ABL1: variants seen among roughly 807,000 people sequenced by gnomAD.
The protein encoded by ABL1 is ABL proto-oncogene 1, non-receptor tyrosine kinase.
Under a neutral mutation model 94.7 loss-of-function variants are expected in ABL1, and 11 were observed. That is an observed-to-expected ratio of 0.12 (90% CI 0.07 to 0.19). The LOEUF is 0.19. Among genes scored for constraint, ABL1 ranks in the 10% least tolerant of loss-of-function variants. The probability of loss-of-function intolerance (pLI) is 1.00; values close to 1 mark genes in which losing one functional copy is unlikely to be tolerated. For synonymous variants in ABL1, 656 were observed against 622.4 expected (o/e 1.05, Z -0.80); for missense variants, 1,082 against 1,489.4 (o/e 0.73, Z 4.50).
intron 1 of ABL1, among the ~76,000 whole-genome samples, chr9:130,843,687 G>A (rs1342797574): frequency 1.3e-5 from 2 of 152,090 alleles, no homozygotes; most frequent in Non-Finnish European, 2.9e-5. Flanking sequence ...GGTTAGAGAA[G>A]GTTTATGGGA....
chr9:130,879,889 T>C (rs556505093), intron 8 of ABL1, among the ~76,000 whole-genome samples, 179 bp from the exon 9 acceptor site: 10 of 152,370 alleles, frequency 6.6e-5, no homozygotes, highest in South Asian at 4.1e-4. Context: ...TAACGTCTTT[T>C]CAAATTCTTA....
At chr9:130,739,401 A>G (rs372012941) in intron 1 of ABL1, among the ~76,000 whole-genome samples, 11 of 151,800 alleles carry the variant, frequency 7.2e-5, no homozygotes, top group African/African-American at 2.7e-4. Flanking sequence ...AGTTTAATTG[A>G]GATATGGTTA....
At chr9:130,830,922 A>AGTG (rs1179575147), upstream of ABL1, among the ~76,000 whole-genome samples, 1 of 152,202 alleles carries the variant, frequency 6.6e-6, no homozygotes, top group Non-Finnish European at 1.5e-5. Flanking sequence ...ACCAGCAGGT[A>AGTG]GTGCTACCCG....
At chr9:130,790,502 G>T (rs910527205) in intron 1 of ABL1, among the ~76,000 whole-genome samples, 4 of 129,170 alleles carry the variant, frequency 3.1e-5, no homozygotes, top group African/African-American at 8.8e-5. Context: ...TATTTATTTA[G>T]AGACAGGGTT....
intron 1 of ABL1, among the ~76,000 whole-genome samples, chr9:130,740,114 C>G (rs1229608342): frequency 2.0e-5 from 3 of 152,212 alleles, no homozygotes; most frequent in African/African-American, 7.2e-5. Flanking sequence ...CCAACTTCCA[C>G]TGAAGTGGGA....
chr9:130,759,087 TG>T (rs1343121968), intron 1 of ABL1, among the ~76,000 whole-genome samples: 1 of 152,134 alleles, frequency 6.6e-6, no homozygotes, highest in Non-Finnish European at 1.5e-5. Context: ...GATCAAGAAA[TG>T]GTTTGTTGTT....
At chr9:130,742,639 G>A (rs963538543) in intron 1 of ABL1, among the ~76,000 whole-genome samples, 9 of 152,174 alleles carry the variant, frequency 5.9e-5, no homozygotes, top group African/African-American at 2.2e-4. Flanking sequence ...ATTCTAAAGT[G>A]CAAATCTAAG....
chr9:130,837,497 A>C (rs1289225100), intron 1 of ABL1, among the ~76,000 whole-genome samples: 2 of 152,086 alleles, frequency 1.3e-5, no homozygotes, highest in African/African-American at 4.8e-5. Context: ...AAAAAATCTA[A>C]AACTCATTCC....
At chr9:130,789,539 C>T (rs1829876530) in intron 1 of ABL1, among the ~76,000 whole-genome samples, 1 of 152,114 alleles carries the variant, frequency 6.6e-6, no homozygotes, top group South Asian at 2.1e-4. Context: ...CACACACACA[C>T]ACACACACCC....
At chr9:130,830,999 GAA>G (rs1830489010), upstream of ABL1, among the ~76,000 whole-genome samples, 1 of 152,226 alleles carries the variant, frequency 6.6e-6, no homozygotes, top group African/African-American at 2.4e-5. Context: ...TGGTATGACA[GAA>G]GTGATGTTTT....
intron 1 of ABL1, among the ~76,000 whole-genome samples, chr9:130,794,792 T>C (rs932157305): frequency 6.6e-6 from 1 of 152,168 alleles, no homozygotes. Flanking sequence ...GGAAAATGAC[T>C]TTAAATAATG....
At chr9:130,840,755 G>A (rs1830658341) in intron 1 of ABL1, among the ~76,000 whole-genome samples, 1 of 152,082 alleles carries the variant, frequency 6.6e-6, no homozygotes, top group Admixed American at 6.5e-5. Flanking sequence ...CTGGGCTCAA[G>A]CAATCCTCCC....
chr9:130,733,575 CTTTTTTTTTT>C (rs35185474), intron 1 of ABL1, among the ~76,000 whole-genome samples: 2 of 103,220 alleles, frequency 1.9e-5, no homozygotes, highest in African/African-American at 4.3e-5. Flanking sequence ...CTGTAAAGCA[CTTTTTTTTTT>C]TTTTTTTTTT....
At chr9:130,717,674 A>G (rs984192270) in intron 1 of ABL1, among the ~76,000 whole-genome samples, 2 of 151,178 alleles carry the variant, frequency 1.3e-5, no homozygotes, top group Non-Finnish European at 1.5e-5. Context: ...AAAAAAAAAA[A>G]TACAGTTCAT....
At position 130,854,050 on chromosome 9, in the gene ABL1, C is replaced by T. The variant is rs774938014; in HGVS notation, c.80-14C>T. 34 of 1,587,414 alleles carry T rather than the reference C, an allele frequency of 2.1e-5. No homozygotes were observed. The highest frequency in any genetic ancestry group is 4.1e-5 in the African/African-American group (3 of 73,640). On this transcript the variant is annotated splice_polypyrimidine_tract_variant and intron_variant, in intron 1 of 10. Coordinates refer to ENST00000318560, the MANE Select transcript of ABL1 (RefSeq NM_005157.6). The stretch of plus-strand genomic sequence containing the variant: ...TTCCTTTTTCTTTTTTCTGTTCCCC[C>T]CTTTCTCTTCCAGAAGCCCTTCAGC...
chr9:130,780,836 C>A (rs1588236315), intron 1 of ABL1, among the ~76,000 whole-genome samples: 1 of 152,124 alleles, frequency 6.6e-6, no homozygotes, highest in Non-Finnish European at 1.5e-5. Flanking sequence ...AGAGAACGGG[C>A]AAATTAAGAA....
chr9:130,734,277 G>A (rs1262244025), intron 1 of ABL1, among the ~76,000 whole-genome samples: 15 of 149,938 alleles, frequency 1.0e-4, no homozygotes, highest in African/African-American at 2.5e-4. Context: ...GCAGTGGCGC[G>A]ATCTCGGCTC....
chr9:130,716,846 G>C (rs1831447914), intron 1 of ABL1, among the ~76,000 whole-genome samples: 1 of 151,912 alleles, frequency 6.6e-6, no homozygotes. Flanking sequence ...TGCCTCCCGG[G>C]TTCAAGCGAT....
chr9:130,879,263 A>AT (rs1240405055), intron 8 of ABL1, among the ~76,000 whole-genome samples: 1 of 152,218 alleles, frequency 6.6e-6, no homozygotes, highest in Admixed American at 6.5e-5. Context: ...CATATATCTT[A>AT]TAAGGTATTT....
Sources: gnomAD v4.1 joint callset for allele counts (sites outside exome capture counted in the v4.1 genomes callset) on GRCh38, gnomAD v4.1.1 for gene constraint, MANE v1.5 for transcripts, NCBI Gene and HGNC (gene_info 2026-07-23, HGNC 2026-07-21) for gene names.